Variants in LUZP2 observed in about 807,000 individuals in gnomAD.
LUZP2 encodes leucine zipper protein 2.
Under a neutral mutation model 51.6 loss-of-function variants are expected in LUZP2, and 52 were observed. The ratio of observed to expected loss-of-function variants is 1.01; its 90% CI spans 0.81 to 1.27. LUZP2 has a LOEUF of 1.27. Among genes scored for constraint, LUZP2 ranks in the 50% most tolerant of loss-of-function variants. The pLI, the probability that LUZP2 is intolerant of heterozygous loss-of-function variation, is 0.00. For missense variants in LUZP2, 436 were observed against 395.4 expected (o/e 1.10, Z -0.87); for synonymous variants, 154 against 137.3 (o/e 1.12, Z -0.85).
chr11:24,686,844 G>A (rs992197089), intron 1 of LUZP2, among the ~76,000 whole-genome samples: 8 of 151,878 alleles, frequency 5.3e-5, no homozygotes, highest in Admixed American at 5.2e-4. Context: ...TATGTTAAAG[G>A]TTTGACCCTG....
chr11:25,037,444 C>G (rs1857901584), intron 9 of LUZP2, among the ~76,000 whole-genome samples: 1 of 152,022 alleles, frequency 6.6e-6, no homozygotes, highest in South Asian at 2.1e-4. Flanking sequence ...AAATGTTTAG[C>G]CCATTTACAT....
At chr11:24,774,291 C>T (rs952824365) in intron 5 of LUZP2, among the ~76,000 whole-genome samples, 1 of 145,270 alleles carries the variant, frequency 6.9e-6, no homozygotes. Context: ...TATTATGGGG[C>T]CCTGTGATTG....
intron 10 of LUZP2, among the ~76,000 whole-genome samples, chr11:25,066,282 G>C (rs1292905558): frequency 6.6e-6 from 1 of 151,908 alleles, no homozygotes; most frequent in African/African-American, 2.4e-5. Flanking sequence ...GGTCTCAGTG[G>C]AAAGGGGAGG....
At chr11:24,734,601 A>G (rs1189470491) in intron 3 of LUZP2, among the ~76,000 whole-genome samples, 1 of 151,936 alleles carries the variant, frequency 6.6e-6, no homozygotes, top group African/African-American at 2.4e-5. Context: ...AAATTATAAT[A>G]AAAGGTAACT....
Position 24,693,404 on chromosome 11 carries a change from T to C in LUZP2, c.63-35765T>C, listed in dbSNP as rs1400489702. ...ATAGAGTGTTTTAAAGATGATTACTTCAGAAGAATCAATATATGATTTAAG... is the reference window on the plus strand; with the variant it reads ...ATAGAGTGTTTTAAAGATGATTACTCCAGAAGAATCAATATATGATTTAAG... On this transcript the variant is annotated intron_variant, in intron 1 of 11. Transcript: ENST00000336930. Among the ~76,000 whole-genome samples the C allele has an allele frequency of 6.6e-5, 10 of 151,780 alleles. No individual in the cohort carries two copies. The East Asian group carries it at 1.9e-3, about 29-fold the overall frequency.
intron 7 of LUZP2, among the ~76,000 whole-genome samples, chr11:24,938,955 C>T (rs1006674863): frequency 6.6e-6 from 1 of 152,110 alleles, no homozygotes; most frequent in Non-Finnish European, 1.5e-5. Context: ...GCTTGAGATT[C>T]TACACTTCAA....
At chr11:24,937,287 A>G (rs942183723) in intron 7 of LUZP2, among the ~76,000 whole-genome samples, 1 of 152,210 alleles carries the variant, frequency 6.6e-6, no homozygotes, top group Admixed American at 6.5e-5. Context: ...AAAATAAAAT[A>G]TAGTCAAAAA....
intron 1 of LUZP2, among the ~76,000 whole-genome samples, chr11:24,621,904 C>A (rs1854507336): frequency 6.6e-6 from 1 of 151,668 alleles, no homozygotes; most frequent in African/African-American, 2.4e-5. Flanking sequence ...TCTTCTTTTT[C>A]TCTTTACATA....
At chr11:24,729,307 C>G in intron 2 of LUZP2, 21 bp downstream of exon 2, 2 of 1,333,588 alleles carry the variant, frequency 1.5e-6, no homozygotes, top group African/African-American at 1.5e-5. Flanking sequence ...AACTCATTTT[C>G]CGAGCAGTAA....
At chr11:25,045,601 G>T (rs1260003032) in intron 9 of LUZP2, among the ~76,000 whole-genome samples, 1 of 152,038 alleles carries the variant, frequency 6.6e-6, no homozygotes, top group Non-Finnish European at 1.5e-5. Context: ...CACAATATTT[G>T]CATGAGAAAA....
chr11:24,559,165 A>G (rs1436982632), intron 1 of LUZP2, among the ~76,000 whole-genome samples: 2 of 152,276 alleles, frequency 1.3e-5, no homozygotes, highest in East Asian at 3.9e-4. Context: ...TTTAATCAGA[A>G]TTTCTTTGAA....
At chr11:24,726,877 T>C (rs2068719) in intron 1 of LUZP2, among the ~76,000 whole-genome samples, 26,130 of 152,034 alleles carry the variant, frequency 0.17, 2,722 homozygotes, top group Non-Finnish European at 0.23. Flanking sequence ...TCCAATAAAA[T>C]GTTAGCCAAT....
intron 7 of LUZP2, among the ~76,000 whole-genome samples, chr11:24,937,291 T>G (rs1041090773): frequency 6.6e-6 from 1 of 152,096 alleles, no homozygotes; most frequent in Non-Finnish European, 1.5e-5. Flanking sequence ...TAAAATATAG[T>G]CAAAAAGAGG....
intron 10 of LUZP2, among the ~76,000 whole-genome samples, chr11:25,052,347 C>G (rs1218550562): frequency 6.6e-6 from 1 of 152,160 alleles, no homozygotes; most frequent in African/African-American, 2.4e-5. Flanking sequence ...AGAGTACTTA[C>G]AAAATACTGA....
At chr11:24,641,355 C>T (rs1251776999) in intron 1 of LUZP2, among the ~76,000 whole-genome samples, 1 of 151,774 alleles carries the variant, frequency 6.6e-6, no homozygotes, top group Non-Finnish European at 1.5e-5. Flanking sequence ...CCTTAATTTG[C>T]AACTTTACCA....
intron 1 of LUZP2, among the ~76,000 whole-genome samples, chr11:24,718,419 T>A (rs1858138304): frequency 6.6e-6 from 1 of 152,168 alleles, no homozygotes; most frequent in African/African-American, 2.4e-5. Flanking sequence ...AGCTAATCAT[T>A]ATGAGACAAA....
intron 1 of LUZP2, among the ~76,000 whole-genome samples, chr11:24,499,684 A>G (rs1401011315): frequency 2.6e-5 from 4 of 152,152 alleles, no homozygotes; most frequent in Non-Finnish European, 4.4e-5. Context: ...AGTTTTTCCT[A>G]TAGCCTTTGG....
At chr11:24,735,778 A>AG (rs774978601) in intron 3 of LUZP2, among the ~76,000 whole-genome samples, 1 of 151,920 alleles carries the variant, frequency 6.6e-6, no homozygotes, top group East Asian at 1.9e-4. Flanking sequence ...CGAGCCAGGA[A>AG]TTTTTTAGAA....
chr11:24,980,029 A>T (rs1327193689), intron 8 of LUZP2, among the ~76,000 whole-genome samples: 1 of 151,824 alleles, frequency 6.6e-6, no homozygotes, highest in African/African-American at 2.4e-5. Context: ...ACTGGAGCAG[A>T]GGTCTCAAAA....
Sources: allele counts gnomAD v4.1 joint callset (sites outside exome capture counted in the v4.1 genomes callset), GRCh38; gene constraint gnomAD v4.1.1; transcripts MANE v1.5; gene names NCBI Gene and HGNC (gene_info 2026-07-23, HGNC 2026-07-21).